The following PLXNC1 variants were observed in gnomAD, a reference collection of about 807,000 sequenced individuals.
PLXNC1 encodes plexin C1.
PLXNC1 carries 75 observed loss-of-function variants against 178.2 expected under a neutral mutation model. The observed-to-expected ratio is 0.42, with a 90% CI of 0.35 to 0.51. PLXNC1 has a LOEUF of 0.51. Ranked by LOEUF, PLXNC1 falls within the 20% of genes least tolerant of loss-of-function variation. The pLI is 0.02. For synonymous variants in PLXNC1, 790 were observed against 779.9 expected (o/e 1.01, Z -0.22); for missense variants, 1,503 against 1,984.4 (o/e 0.76, Z 4.61).
At chr12:94,155,726 T>C (rs1961143130) in intron 1 of PLXNC1, among the ~76,000 whole-genome samples, 1 of 152,206 alleles carries the variant, frequency 6.6e-6, no homozygotes, top group Admixed American at 6.5e-5. Flanking sequence ...TTATTTGTAT[T>C]TCACTCCCAG....
chr12:94,235,031 G>A (rs1964203828), intron 9 of PLXNC1, among the ~76,000 whole-genome samples: 1 of 152,124 alleles, frequency 6.6e-6, no homozygotes, highest in Non-Finnish European at 1.5e-5. Context: ...ATTTAGGAGG[G>A]TCCTCTTGGT....
intron 21 of PLXNC1, chr12:94,272,317 T>A (rs1398094015): frequency 2.6e-5 from 4 of 152,240 alleles, no homozygotes; most frequent in Non-Finnish European, 5.9e-5. Flanking sequence ...CTTGTCCTCA[T>A]ATTCTAAGTG....
At chr12:94,250,600 C>T (rs907804564) in intron 14 of PLXNC1, among the ~76,000 whole-genome samples, 5 of 152,162 alleles carry the variant, frequency 3.3e-5, no homozygotes, top group Admixed American at 2.0e-4. Context: ...AATTAAGCTT[C>T]ATGTAGAGTT....
rs779052663 is a variant in PLXNC1, at chr12:94,237,673, A to G, written c.1990A>G (p.Ile664Val). 6.2e-7 allele frequency: 1 copy of G among 1,613,680 alleles called. No homozygotes were observed. Among genetic ancestry groups the G allele is most frequent in the South Asian group, 1.1e-5 (1 of 91,046 alleles). ...CTTTTCTTTCCAATAGGTCTTCTAC[A>G]TTAAGTCCATTGAGCCACAGAAAGT... The part of the protein sequence containing the change: ...RTNQALQVFY[I>V]KSIEPQKVST... The change falls in exon 10 of 31, where the codon ATT (isoleucine) becomes GTT (valine). Residue 664 changes from isoleucine to valine, a missense_variant. By Grantham distance (29) the Ile-to-Val change is conservative (BLOSUM62 3). Coordinates refer to ENST00000258526, the MANE Select transcript of PLXNC1 (RefSeq NM_005761.3).
chr12:94,255,079 A>G lies in PLXNC1; in HGVS notation c.2984-114A>G, dbSNP rs1485325545. 3 of 957,422 alleles carry G rather than the reference A, an allele frequency of 3.1e-6. No individual in the cohort carries two copies. In the African/African-American group the frequency reaches 4.9e-5, roughly 16 times the overall value. The allele number at this position is 957,422 out of a possible 1,614,324, so 59.3% of individuals were successfully genotyped here. On this transcript the variant is annotated intron_variant, in intron 16 of 30. Transcript: ENST00000258526. ...TCTGCAGCCAACCAAGTCATTATCT[A>G]TTGTTTCTTCTTTAATGAAAACCAA...
intron 4 of PLXNC1, among the ~76,000 whole-genome samples, chr12:94,198,657 G>A (rs879733461): frequency 1.3e-5 from 2 of 152,170 alleles, no homozygotes; most frequent in Admixed American, 6.5e-5. Context: ...CAGCAGAGCC[G>A]GGCTCCCTCT....
chr12:94,276,805 A>G (rs891900554), intron 21 of PLXNC1: 1 of 152,286 alleles, frequency 6.6e-6, no homozygotes, highest in African/African-American at 2.4e-5. Flanking sequence ...TTGTGAGCAG[A>G]CAGGCCTTTG....
intron 19 of PLXNC1, among the ~76,000 whole-genome samples, 179 bp downstream of exon 19, chr12:94,259,913 AAGAG>A (rs1207566319): frequency 5.3e-5 from 8 of 151,904 alleles, no homozygotes; most frequent in East Asian, 1.9e-4. Flanking sequence ...AAAAAAAAAA[AAGAG>A]AGAGAAATCA....
rs528002959 is a variant in PLXNC1, at chr12:94,174,320, G to T, written c.1203+5027G>T. Among the ~76,000 whole-genome samples, 527 of 152,030 alleles carry T rather than the reference G, an allele frequency of 3.5e-3. 2 individuals carry two copies. Among genetic ancestry groups the T allele is most frequent in the Non-Finnish European group, 6.1e-3 (415 of 67,972 alleles). ...CCACCTCAGCCTCTTGAGTAGCTGG[G>T]ACTACAGACCTGTGCCCCCACACCT... is the stretch of plus-strand genomic sequence containing the variant. On this transcript the variant is annotated intron_variant, in intron 2 of 30. Transcript: ENST00000258526.
At position 94,279,628 on chromosome 12, in the gene PLXNC1, C is replaced by T; in HGVS notation, c.3754C>T (p.Gln1252Ter). ...CAAAAATGGCTCTCCTTATGGACTT[C>T]AGCTTAATGAAATTGGTCTTGGTAA... ...LSKNGSPYGL[Q>*]LNEIGLELQM... The change falls in exon 22 of 31, where the codon CAG (glutamine) becomes TAG (stop). Residue 1252 changes from glutamine to a stop codon, truncating the protein, a stop_gained. Transcript: ENST00000258526. LOFTEE classifies it high-confidence loss of function. The T allele has an allele frequency of 6.2e-7, 1 of 1,614,166 alleles. No homozygotes were observed. Among genetic ancestry groups the T allele is most frequent in the Non-Finnish European group, 8.5e-7 (1 of 1,179,996 alleles).
At chr12:94,264,978 C>T (rs1965158057) in intron 20 of PLXNC1, 101 bp from the exon 21 acceptor site, 1 of 1,188,900 alleles carries the variant, frequency 8.4e-7, no homozygotes. Context: ...TGTTAGAAAA[C>T]CCTGTCTCCT....
Position 94,247,989 on chromosome 12 carries a change from G to A in PLXNC1, c.2475G>A (p.Lys825=), listed in dbSNP as rs746893108. The A allele has an allele frequency of 1.9e-6, 3 of 1,614,160 alleles. No homozygotes were observed. The highest frequency in any genetic ancestry group is 1.1e-5 in the South Asian group (1 of 91,084). Residue 825 remains lysine, a synonymous_variant, in exon 13 of 31, where the codon AAG becomes AAA. Transcript: ENST00000258526. ...SSKVRTNVTV[K]LRVQDTYLDC... ...AAGTGCGCACGAATGTCACTGTGAA[G>A]CTGAGAGTACAAGACACCTACTTGG...
intron 4 of PLXNC1, among the ~76,000 whole-genome samples, chr12:94,190,836 A>C (rs752069461): frequency 6.6e-6 from 1 of 152,310 alleles, no homozygotes; most frequent in Middle Eastern, 3.4e-3. Flanking sequence ...GGGCCTTTGC[A>C]TGTGCTGTTT....
chr12:94,208,708 A>G (rs1193683678), intron 4 of PLXNC1, among the ~76,000 whole-genome samples: 1 of 152,196 alleles, frequency 6.6e-6, no homozygotes, highest in African/African-American at 2.4e-5. Context: ...ATGCTATTCA[A>G]TGGAATATCT....
intron 22 of PLXNC1, 148 bp from the exon 23 acceptor site, chr12:94,282,150 A>T (rs1305750598): frequency 1.7e-6 from 1 of 599,592 alleles, no homozygotes; most frequent in African/African-American, 1.8e-5. Flanking sequence ...AGAACTCAGA[A>T]TTCAGGCTAC....
intron 4 of PLXNC1, among the ~76,000 whole-genome samples, chr12:94,187,585 T>C (rs1199705529): frequency 2.0e-5 from 3 of 152,196 alleles, no homozygotes; most frequent in Admixed American, 2.0e-4. Context: ...AAAATGCTCA[T>C]GAATAATTCA....
In PLXNC1 at chr12:94,298,748, CA is replaced by C; in HGVS notation, c.4198del (p.Ile1400SerfsTer21). 6.2e-7 allele frequency: 1 copy of C among 1,611,700 alleles called. No individual in the cohort carries two copies. The highest frequency in any genetic ancestry group is 8.5e-7 in the Non-Finnish European group (1 of 1,179,356). On this transcript the variant is annotated frameshift_variant, in exon 27 of 31. Transcript: ENST00000258526. LOFTEE classifies it high-confidence loss of function. Reference protein sequence around the residue: ...FDFLDAQAENKKITDPDVVHI... With the variant: ...FDFLDAQAENXKITDPDVVHI... ...ACTTTTTGGACGCCCAGGCTGAAAA[CA>C]AAAAAATCACAGATCCTGACGTCGT...
intron 28 of PLXNC1, 34 bp from the exon 29 acceptor site, chr12:94,303,722 G>T (rs769567130): frequency 4.8e-5 from 58 of 1,210,150 alleles, no homozygotes; most frequent in South Asian, 2.1e-4. Context: ...TACTCTTTTG[G>T]TGATGGTTGC....
chr12:94,278,595 G>T (rs1966167743), intron 21 of PLXNC1, among the ~76,000 whole-genome samples: 2 of 152,188 alleles, frequency 1.3e-5, no homozygotes, highest in Admixed American at 1.3e-4. Context: ...CATAGTATGG[G>T]GTGGGGATCT....
Sources: gnomAD v4.1 joint callset for allele counts (sites outside exome capture counted in the v4.1 genomes callset) on GRCh38, gnomAD v4.1.1 for gene constraint, MANE v1.5 for transcripts, NCBI Gene and HGNC (gene_info 2026-07-23, HGNC 2026-07-21) for gene names.